NXPH1: variants seen among roughly 807,000 people sequenced by gnomAD.
The protein encoded by NXPH1 is neurexophilin-1.
In NXPH1, 5 loss-of-function variants were observed where a neutral mutation model predicts 23.7. The observed-to-expected ratio is 0.21, with a 90% CI of 0.11 to 0.44. The LOEUF is 0.44. Among genes scored for constraint, NXPH1 ranks in the 20% least tolerant of loss-of-function variants. NXPH1 has a pLI of 0.99. For missense variants in NXPH1, 324 were observed against 321.6 expected (o/e 1.01, Z -0.06); for synonymous variants, 144 against 122.2 (o/e 1.18, Z -1.18).
intron 2 of NXPH1, among the ~76,000 whole-genome samples, chr7:8,474,242 TTG>T (rs368315293): frequency 2.6e-4 from 40 of 152,290 alleles, no homozygotes; most frequent in African/African-American, 8.4e-4. Flanking sequence ...TACACATATT[TTG>T]TGTTTTTTTT....
At chr7:8,719,937 A>G (rs1053627078) in intron 2 of NXPH1, among the ~76,000 whole-genome samples, 6 of 152,212 alleles carry the variant, frequency 3.9e-5, no homozygotes, top group African/African-American at 1.4e-4. Flanking sequence ...CTATCTCTAA[A>G]TTAGAATAAG....
chr7:8,582,929 C>A (rs1007533140), intron 2 of NXPH1, among the ~76,000 whole-genome samples: 1 of 152,208 alleles, frequency 6.6e-6, no homozygotes, highest in African/African-American at 2.4e-5. Flanking sequence ...TGAGGGGCAG[C>A]TGCAGGCCCA....
intron 2 of NXPH1, among the ~76,000 whole-genome samples, chr7:8,445,615 G>A (rs886101946): frequency 6.6e-6 from 1 of 152,192 alleles, no homozygotes; most frequent in Non-Finnish European, 1.5e-5. Context: ...CAAAAATTAC[G>A]ACAAAGATTT....
chr7:8,680,206 G>T (rs1211462666), intron 2 of NXPH1, among the ~76,000 whole-genome samples: 2 of 152,242 alleles, frequency 1.3e-5, no homozygotes, highest in African/African-American at 4.8e-5. Context: ...TACATGTGAT[G>T]CATCAGGTAC....
intron 2 of NXPH1, among the ~76,000 whole-genome samples, chr7:8,743,437 T>G (rs1001280099): frequency 6.6e-6 from 1 of 150,976 alleles, no homozygotes; most frequent in Non-Finnish European, 1.5e-5. Context: ...GTTGAAGATT[T>G]TATATATAAA....
chr7:8,620,556 G>A (rs1371518880), intron 2 of NXPH1, among the ~76,000 whole-genome samples: 2 of 152,188 alleles, frequency 1.3e-5, no homozygotes, highest in Admixed American at 6.5e-5. Context: ...CATGCAGGCT[G>A]AGGCTGCTGC....
At chr7:8,737,532 T>G (rs1051158490) in intron 2 of NXPH1, among the ~76,000 whole-genome samples, 5 of 152,312 alleles carry the variant, frequency 3.3e-5, no homozygotes, top group African/African-American at 1.2e-4. Context: ...CCTTTGTGGG[T>G]AACCTGACCT....
chr7:8,723,569 T>A (rs1168862856), intron 2 of NXPH1, among the ~76,000 whole-genome samples: 1 of 152,222 alleles, frequency 6.6e-6, no homozygotes, highest in Non-Finnish European at 1.5e-5. Flanking sequence ...TAGCAGTCAC[T>A]TGTATTTTCC....
intron 2 of NXPH1, among the ~76,000 whole-genome samples, chr7:8,667,926 C>T (rs938337909): frequency 4.6e-5 from 7 of 151,728 alleles, no homozygotes; most frequent in South Asian, 4.2e-4. Flanking sequence ...AAACTGTTTT[C>T]GAGTTCACAG....
chr7:8,729,208 C>T (rs535241571), intron 2 of NXPH1, among the ~76,000 whole-genome samples: 5,153 of 149,724 alleles, frequency 0.034, 250 homozygotes, highest in African/African-American at 0.12. Context: ...TTTTTTATTG[C>T]GTCTATTTGA....
chr7:8,640,386 A>G (rs1820287483), intron 2 of NXPH1, among the ~76,000 whole-genome samples: 1 of 151,572 alleles, frequency 6.6e-6, no homozygotes, highest in Admixed American at 6.6e-5. Context: ...ATTTTTGAGT[A>G]CTCCATTTTT....
intron 2 of NXPH1, among the ~76,000 whole-genome samples, chr7:8,493,019 C>G (rs1322946463): frequency 6.6e-6 from 1 of 151,958 alleles, no homozygotes; most frequent in African/African-American, 2.4e-5. Flanking sequence ...AAAGAACAAA[C>G]CTTCCTGATT....
At chr7:8,459,365 T>C (rs1033024523) in intron 2 of NXPH1, among the ~76,000 whole-genome samples, 16 of 152,142 alleles carry the variant, frequency 1.1e-4, no homozygotes, top group African/African-American at 3.9e-4. Context: ...TGATTTATAT[T>C]CCATTAATTT....
At chr7:8,673,239 A>T (rs890588674) in intron 2 of NXPH1, among the ~76,000 whole-genome samples, 1 of 152,190 alleles carries the variant, frequency 6.6e-6, no homozygotes, top group Non-Finnish European at 1.5e-5. Context: ...AGCAAAAGTT[A>T]TTTGAGTGAG....
intron 2 of NXPH1, among the ~76,000 whole-genome samples, chr7:8,482,650 C>A (rs1817093890): frequency 6.6e-6 from 1 of 152,142 alleles, no homozygotes. Context: ...TACAAAAGGC[C>A]AATAATGCTC....
At chr7:8,472,795 C>T (rs777713759) in intron 2 of NXPH1, among the ~76,000 whole-genome samples, 3 of 152,158 alleles carry the variant, frequency 2.0e-5, no homozygotes, top group Non-Finnish European at 4.4e-5. Context: ...TCCCACTTGT[C>T]TAATGAAGGC....
At chr7:8,738,795 C>T (rs986087556) in intron 2 of NXPH1, among the ~76,000 whole-genome samples, 5 of 152,164 alleles carry the variant, frequency 3.3e-5, no homozygotes, top group Non-Finnish European at 7.3e-5. Flanking sequence ...ACTGGGGCTG[C>T]TGCCTTTCTT....
chr7:8,579,285 C>G (rs941424575), intron 2 of NXPH1, among the ~76,000 whole-genome samples: 1 of 152,030 alleles, frequency 6.6e-6, no homozygotes, highest in African/African-American at 2.4e-5. Flanking sequence ...ACAAGACTTA[C>G]CTAAAATTAT....
chr7:8,518,863 T>C (rs185393572), intron 2 of NXPH1, among the ~76,000 whole-genome samples: 36 of 152,274 alleles, frequency 2.4e-4, no homozygotes, highest in Non-Finnish European at 3.4e-4. Flanking sequence ...TGAAGTAATA[T>C]AGGGGCAAGT....
Sources: allele counts gnomAD v4.1 joint callset (sites outside exome capture counted in the v4.1 genomes callset), GRCh38; gene constraint gnomAD v4.1.1; transcripts MANE v1.5; gene names NCBI Gene and HGNC (gene_info 2026-07-23, HGNC 2026-07-21).